Variants in TUBA1C observed in about 807,000 individuals in gnomAD.
TUBA1C encodes the protein tubulin alpha-1C chain.
Under a neutral mutation model 34.9 loss-of-function variants are expected in TUBA1C, and 16 were observed. The ratio of observed to expected loss-of-function variants is 0.46; its 90% CI spans 0.31 to 0.70. TUBA1C has a LOEUF of 0.70. Ranked by LOEUF, TUBA1C falls within the 30% of genes least tolerant of loss-of-function variation. The probability of loss-of-function intolerance (pLI) is 0.05; values close to 1 mark genes in which losing one functional copy is unlikely to be tolerated. For synonymous variants in TUBA1C, 177 were observed against 215.9 expected, an observed-to-expected ratio of 0.82 and a Z score of 1.58; for missense variants, 329 against 587.3, an observed-to-expected ratio of 0.56 and a Z score of 4.55.
intron 1 of TUBA1C, 102 bp from the exon 2 acceptor site, chr12:49,269,363 A>G (rs1942957379): frequency 9.0e-6 from 14 of 1,553,430 alleles, no homozygotes; most frequent in Non-Finnish European, 9.6e-6. Flanking sequence ...GCGCCCAGCC[A>G]GTTATCTGTC....
chr12:49,247,138 T>TAA (rs1942678178), intron 1 of TUBA1C, among the ~76,000 whole-genome samples: 1 of 126,618 alleles, frequency 7.9e-6, no homozygotes, highest in Admixed American at 8.0e-5. Context: ...AGACTCCATC[T>TAA]CAAAAAAAAA....
At chr12:49,252,713 C>G (rs1942743279) in intron 1 of TUBA1C, among the ~76,000 whole-genome samples, 1 of 152,124 alleles carries the variant, frequency 6.6e-6, no homozygotes, top group African/African-American at 2.4e-5. Context: ...AGATCGAGAC[C>G]ATCCTCACTA....
At chr12:49,259,543 T>C (rs1942822143) in intron 1 of TUBA1C, among the ~76,000 whole-genome samples, 1 of 152,214 alleles carries the variant, frequency 6.6e-6, no homozygotes, top group South Asian at 2.1e-4. Flanking sequence ...TACCATCTAG[T>C]TACAATCGCC....
chr12:49,263,947 G>A (rs1942866158), upstream of TUBA1C, among the ~76,000 whole-genome samples: 2 of 151,968 alleles, frequency 1.3e-5, no homozygotes, highest in Non-Finnish European at 2.9e-5. Flanking sequence ...TCGGCCAGGC[G>A]CGGTGGCTCA....
intron 1 of TUBA1C, among the ~76,000 whole-genome samples, chr12:49,254,425 T>C (rs1461326259): frequency 7.4e-6 from 1 of 135,702 alleles, no homozygotes; most frequent in Non-Finnish European, 1.5e-5. Flanking sequence ...GCTGCATCAT[T>C]GAACCGAGAT....
At chr12:49,231,681 A>ATGAT (rs1942498568) in intron 1 of TUBA1C, among the ~76,000 whole-genome samples, 2 of 151,892 alleles carry the variant, frequency 1.3e-5, no homozygotes, top group South Asian at 2.1e-4. Context: ...AAAAAAATAG[A>ATGAT]TGATAGATAG....
chr12:49,238,202 G>T (rs761091119), intron 1 of TUBA1C, among the ~76,000 whole-genome samples: 4 of 151,998 alleles, frequency 2.6e-5, no homozygotes, highest in Non-Finnish European at 5.9e-5. Flanking sequence ...ACTGTGACTA[G>T]AATAGGAAAT....
At position 49,272,945 on chromosome 12, in the gene TUBA1C, T is replaced by C. The variant is rs144002178; in HGVS notation, c.1068T>C (p.Asn356=). The C allele has an allele frequency of 1.7e-4, 280 of 1,614,086 alleles. 2 individuals carry two copies. The highest frequency in any genetic ancestry group is 6.6e-4 in the Middle Eastern group (4 of 6,080). ...WCPTGFKVGI[N]YQPPTVVPGG... ...CCACTGGCTTCAAGGTTGGCATTAATTACCAGCCTCCCACTGTGGTGCCTG... is the reference window on the plus strand; with the variant it reads ...CCACTGGCTTCAAGGTTGGCATTAACTACCAGCCTCCCACTGTGGTGCCTG... Residue 356 remains asparagine, a synonymous_variant, in exon 4 of 4, where the codon AAT becomes AAC. Transcript: ENST00000301072.
rs1565650374 is a variant in TUBA1C, at chr12:49,269,808, T to TC, written c.227-15dup. 1 of 1,613,328 alleles carries TC rather than the reference T, an allele frequency of 6.2e-7. No individual in the cohort carries two copies. ...CCCCGCTCCTTGTCCCTCCTCCTCC[T>TC]CCCCCATCATGTTCTCCAGATGAAG... On this transcript the variant is annotated intron_variant, in intron 2 of 3. Transcript: ENST00000301072.
chr12:49,273,022 C>T lies in TUBA1C; in HGVS notation c.1145C>T (p.Thr382Ile), dbSNP rs983307469. 6 of 1,614,136 alleles carry T rather than the reference C, an allele frequency of 3.7e-6. No individual in the cohort carries two copies. The African/African-American group carries it at 6.7e-5, about 18-fold the overall frequency. ...QRAVCMLSNT[T>I]AVAEAWARLD... is the part of the protein sequence containing the mutation. ...GCTGTGTGCATGCTGAGCAATACCA[C>T]AGCTGTTGCCGAGGCCTGGGCTCGC... is the stretch of plus-strand genomic sequence containing the variant. Residue 382 changes from threonine (T) to isoleucine (I), a missense_variant, in exon 4 of 4, where the codon ACA becomes ATA. Transcript: ENST00000301072.
chr12:49,267,969 CTA>C (rs1164217958), intron 1 of TUBA1C, among the ~76,000 whole-genome samples: 6 of 152,150 alleles, frequency 3.9e-5, no homozygotes, highest in Non-Finnish European at 8.8e-5. Context: ...TGTACAGATT[CTA>C]TGTTTATTCC....
intron 1 of TUBA1C, among the ~76,000 whole-genome samples, chr12:49,237,846 C>T (rs1400386000): frequency 1.3e-5 from 2 of 151,766 alleles, no homozygotes; most frequent in Non-Finnish European, 2.9e-5. Context: ...CAGTGGCTCA[C>T]ACCTGTAATC....
chr12:49,243,871 C>G (rs141101147), intron 1 of TUBA1C, among the ~76,000 whole-genome samples: 1 of 152,002 alleles, frequency 6.6e-6, no homozygotes, highest in Non-Finnish European at 1.5e-5. Context: ...AACTTTAGGC[C>G]AGGCATGGTG....
chr12:49,228,828 T>C, intron 1 of TUBA1C, among the ~76,000 whole-genome samples: 1 of 152,198 alleles, frequency 6.6e-6, no homozygotes. Flanking sequence ...GCTTTTCCTA[T>C]GCGTTATCTC....
intron 1 of TUBA1C, among the ~76,000 whole-genome samples, chr12:49,231,052 CTT>C (rs1942491792): frequency 6.6e-6 from 1 of 152,238 alleles, no homozygotes; most frequent in Admixed American, 6.5e-5. Flanking sequence ...ACCATCTCCA[CTT>C]CTGTTTTCTG....
rs565651339 is a variant in TUBA1C, at chr12:49,238,771, C to G, written c.213+10605C>G. ...AAGCATGAGCCACCACACCTGGCTA[C>G]AAAGGATATTTTCAAGGATGCAAAT... On this transcript the variant is annotated intron_variant, in intron 1 of 3. Coordinates refer to the TUBA1C transcript ENST00000541364. Among the ~76,000 whole-genome samples the G allele has an allele frequency of 2.6e-5, 4 of 152,216 alleles. No homozygotes were observed. In the East Asian group the frequency reaches 5.8e-4, roughly 22 times the overall value.
chr12:49,256,153 T>C, intron 1 of TUBA1C, among the ~76,000 whole-genome samples: 1 of 152,230 alleles, frequency 6.6e-6, no homozygotes, highest in Middle Eastern at 3.2e-3. Flanking sequence ...TGCTTGGGGT[T>C]AGGCCCTCCT....
intron 1 of TUBA1C, among the ~76,000 whole-genome samples, chr12:49,248,316 G>A (rs1486510111): frequency 3.3e-5 from 5 of 151,676 alleles, no homozygotes; most frequent in Admixed American, 6.6e-5. Context: ...ACACCCATAA[G>A]CCCAGCACTT....
intron 1 of TUBA1C, among the ~76,000 whole-genome samples, chr12:49,235,142 A>T (rs934542450): frequency 1.2e-4 from 18 of 151,514 alleles, no homozygotes; most frequent in African/African-American, 4.1e-4. Context: ...TTAATTTGGG[A>T]TTGCGTAATC....
Sources: gnomAD v4.1 joint callset for allele counts (sites outside exome capture counted in the v4.1 genomes callset) on GRCh38, gnomAD v4.1.1 for gene constraint, MANE v1.5 for transcripts, NCBI Gene and HGNC (gene_info 2026-07-23, HGNC 2026-07-21) for gene names.